Variants in RAB3C observed in about 807,000 individuals in gnomAD.
RAB3C encodes RAB3C, member RAS oncogene family.
In RAB3C, 17 loss-of-function variants were observed where a neutral mutation model predicts 26.4. That is an observed-to-expected ratio of 0.64 (90% CI 0.44 to 0.97). The LOEUF (loss-of-function observed/expected upper bound fraction) is 0.97. Ranked by LOEUF, RAB3C falls within the 50% of genes least tolerant of loss-of-function variation. The pLI, the probability that RAB3C is intolerant of heterozygous loss-of-function variation, is 0.00. For missense variants in RAB3C, 242 were observed against 281.9 expected, an observed-to-expected ratio of 0.86 and a Z score of 1.01; for synonymous variants, 91 against 95.9, an observed-to-expected ratio of 0.95 and a Z score of 0.30.
intron 2 of RAB3C, among the ~76,000 whole-genome samples, chr5:58,708,448 T>A (rs1188699449): frequency 2.0e-5 from 3 of 152,186 alleles, no homozygotes; most frequent in Non-Finnish European, 4.4e-5. Context: ...GATCAGACCC[T>A]GACCTTATTA....
intron 3 of RAB3C, among the ~76,000 whole-genome samples, chr5:58,738,736 A>G (rs536790802): frequency 6.6e-6 from 1 of 152,304 alleles, no homozygotes; most frequent in African/African-American, 2.4e-5. Flanking sequence ...TATTATGTAA[A>G]TATGATTGCT....
At chr5:58,823,020 G>A (rs546245221) in intron 3 of RAB3C, 2 of 610,702 alleles carry the variant, frequency 3.3e-6, no homozygotes, top group Non-Finnish European at 6.2e-6. Context: ...GATAAAGGCT[G>A]TTCTGTCCCT....
intron 4 of RAB3C, among the ~76,000 whole-genome samples, chr5:58,844,601 G>T (rs141811426): frequency 2.6e-5 from 4 of 152,322 alleles, no homozygotes; most frequent in African/African-American, 9.6e-5. Flanking sequence ...GTAGCAGAAT[G>T]ACCTTTCCTT....
chr5:58,827,620 T>C (rs1165862640), intron 4 of RAB3C, among the ~76,000 whole-genome samples: 1 of 152,178 alleles, frequency 6.6e-6, no homozygotes. Flanking sequence ...GTTCCTGAAA[T>C]TGTGAAGCAG....
At position 58,687,114 on chromosome 5, in the gene RAB3C, G is replaced by C. The variant is rs1018263548; in HGVS notation, c.253-38888G>C. Among the ~76,000 whole-genome samples, 4 of 152,118 alleles carry C rather than the reference G, an allele frequency of 2.6e-5. 1 individual carries two copies. Among genetic ancestry groups the C allele is most frequent in the Admixed American group, 2.0e-4 (3 of 15,252 alleles). ...AATGTAATCATCTTTGTTTCTTTTA[G>C]TGGTTAATTGGGAGCAGGATCATTT... On this transcript the variant is annotated intron_variant, in intron 2 of 4. Transcript: ENST00000282878.
chr5:58,622,791 C>T (rs1746964220), intron 2 of RAB3C, among the ~76,000 whole-genome samples: 1 of 152,086 alleles, frequency 6.6e-6, no homozygotes, highest in Non-Finnish European at 1.5e-5. Context: ...AGCAAGGAAA[C>T]AGAAAACCAG....
chr5:58,758,341 T>C (rs1163924219), intron 3 of RAB3C, among the ~76,000 whole-genome samples: 1 of 152,240 alleles, frequency 6.6e-6, no homozygotes, highest in Non-Finnish European at 1.5e-5. Flanking sequence ...CTCATTTATT[T>C]AGTGAATATT....
At position 58,617,825 on chromosome 5, in the gene RAB3C, A is replaced by G; in HGVS notation, c.207A>G (p.Val69=). ...GCACAGTTGGGATCGATTTCAAAGTAAAAACTGTATTCAAAAATGAAAAGA... is the reference window on the plus strand; with the variant it reads ...GCACAGTTGGGATCGATTTCAAAGTGAAAACTGTATTCAAAAATGAAAAGA... ...FVSTVGIDFK[V]KTVFKNEKRI... is the part of the protein sequence containing the mutation. The change falls in exon 2 of 5, where the codon GTA becomes GTG. Residue 69 remains valine, a synonymous_variant. Transcript: ENST00000282878. 2 of 1,612,972 alleles carry G rather than the reference A, an allele frequency of 1.2e-6. No individual in the cohort carries two copies. The highest frequency in any genetic ancestry group is 1.7e-6 in the Non-Finnish European group (2 of 1,179,228).
intron 3 of RAB3C, among the ~76,000 whole-genome samples, chr5:58,770,891 TCA>T (rs1742018047): frequency 2.0e-5 from 3 of 152,114 alleles, no homozygotes; most frequent in Admixed American, 2.0e-4. Flanking sequence ...TCATATATAC[TCA>T]CACACGTAAA....
At chr5:58,605,734 C>A (rs906979696) in intron 1 of RAB3C, among the ~76,000 whole-genome samples, 1 of 152,014 alleles carries the variant, frequency 6.6e-6, no homozygotes. Context: ...CCTGTTTCTA[C>A]TAAAAATACA....
rs6868827 is a variant in RAB3C at position 58,605,820 on chromosome 5, G to A, written c.25-11823G>A. 2.9e-4 allele frequency among the ~76,000 whole-genome samples: 44 copies of A among 151,792 alleles called. 1 individual carries two copies. The Middle Eastern group carries it at 0.024, about 83-fold the overall frequency. ...CTTGGGAGGCTGAGACAGGAGTCTC[G>A]CTTACACCCGGGAGGTAGAGGTTGC... On this transcript the variant is annotated intron_variant, in intron 1 of 4. Coordinates refer to ENST00000282878, the MANE Select transcript of RAB3C (RefSeq NM_138453.4).
At chr5:58,747,118 TC>T (rs1291410384) in intron 3 of RAB3C, among the ~76,000 whole-genome samples, 3 of 152,190 alleles carry the variant, frequency 2.0e-5, no homozygotes, top group African/African-American at 7.2e-5. Context: ...TGGTTTTTTT[TC>T]TAACATTATT....
chr5:58,697,803 G>A (rs749282573), intron 2 of RAB3C, among the ~76,000 whole-genome samples: 1 of 151,712 alleles, frequency 6.6e-6, no homozygotes, highest in Non-Finnish European at 1.5e-5. Context: ...CCTTTATTTT[G>A]AGCCTATGTG....
intron 4 of RAB3C, among the ~76,000 whole-genome samples, chr5:58,827,892 A>G (rs1305556765): frequency 1.3e-5 from 2 of 152,208 alleles, no homozygotes; most frequent in Non-Finnish European, 2.9e-5. Context: ...TTTTTTAATT[A>G]CTTGTACATT....
At chr5:58,832,352 A>C (rs1743631255) in intron 4 of RAB3C, among the ~76,000 whole-genome samples, 1 of 152,244 alleles carries the variant, frequency 6.6e-6, no homozygotes, top group South Asian at 2.1e-4. Context: ...TTCTTTTCTT[A>C]AACTACAGTG....
At chr5:58,791,065 A>G (rs1327369175) in intron 3 of RAB3C, among the ~76,000 whole-genome samples, 1 of 73,830 alleles carries the variant, frequency 1.4e-5, no homozygotes, top group Non-Finnish European at 3.5e-5. Context: ...AATTTTTGAC[A>G]TTAAAAAAAA....
intron 3 of RAB3C, among the ~76,000 whole-genome samples, chr5:58,752,978 A>C (rs886342610): frequency 6.6e-6 from 1 of 152,134 alleles, no homozygotes; most frequent in Non-Finnish European, 1.5e-5. Flanking sequence ...AGGCAGGGTC[A>C]ATTTTAGCAG....
chr5:58,603,173 G>T (rs112211497), intron 1 of RAB3C, among the ~76,000 whole-genome samples: 2,557 of 152,272 alleles, frequency 0.017, 66 homozygotes, highest in African/African-American at 0.059. Context: ...GGTTTCTTCT[G>T]AGAAATCTGC....
At position 58,617,064 on chromosome 5, in the gene RAB3C, G is replaced by A. The variant is rs545039079; in HGVS notation, c.25-579G>A. 7.2e-5 allele frequency among the ~76,000 whole-genome samples: 11 copies of A among 152,188 alleles called. No individual in the cohort carries two copies. The East Asian group carries it at 2.1e-3, about 29-fold the overall frequency. On this transcript the variant is annotated intron_variant, in intron 1 of 4. Coordinates refer to ENST00000282878, the MANE Select transcript of RAB3C (RefSeq NM_138453.4). The stretch of plus-strand genomic sequence containing the variant: ...TGGGTTACTGTGAGGGATTAAATAA[G>A]TTAGTATCCGGCACATTGTTTGAAC...
Sources: gnomAD v4.1 joint callset for allele counts (sites outside exome capture counted in the v4.1 genomes callset) on GRCh38, gnomAD v4.1.1 for gene constraint, MANE v1.5 for transcripts, NCBI Gene and HGNC (gene_info 2026-07-23, HGNC 2026-07-21) for gene names.